Variants in CDC5L observed in about 807,000 individuals in gnomAD.
CDC5L encodes cell division cycle 5 like.
In CDC5L, 18 loss-of-function variants were observed where a neutral mutation model predicts 104.1. The observed-to-expected ratio is 0.17, with a 90% CI of 0.12 to 0.26. The LOEUF (loss-of-function observed/expected upper bound fraction) is 0.26, where lower values mean the gene tolerates loss of function less well. Among genes scored for constraint, CDC5L ranks in the 10% least tolerant of loss-of-function variants. The probability of loss-of-function intolerance (pLI) is 1.00; values close to 1 mark genes in which losing one functional copy is unlikely to be tolerated. For missense variants in CDC5L, 673 were observed against 956.9 expected (o/e 0.70, Z 3.91); for synonymous variants, 331 against 322.7 (o/e 1.03, Z -0.28).
intron 6 of CDC5L, among the ~76,000 whole-genome samples, chr6:44,404,800 C>T (rs1791290399): frequency 6.6e-6 from 1 of 152,112 alleles, no homozygotes; most frequent in Non-Finnish European, 1.5e-5. Flanking sequence ...TCAAGCAGTC[C>T]TTCCACCTCA....
intron 1 of CDC5L, 73 bp downstream of exon 1, chr6:44,387,941 G>GGA (rs1554157180): frequency 7.7e-6 from 11 of 1,431,232 alleles, no homozygotes; most frequent in East Asian, 5.6e-5. Flanking sequence ...CGCGGAGGTC[G>GGA]GGGGGGCGAC....
intron 8 of CDC5L, among the ~76,000 whole-genome samples, chr6:44,412,101 TCTC>T (rs1217411501): frequency 1.3e-5 from 2 of 152,170 alleles, no homozygotes; most frequent in African/African-American, 4.8e-5. Context: ...CTAGCCATCT[TCTC>T]CTGGTGGCCC....
At chr6:44,421,450 A>C (rs11571999) in intron 9 of CDC5L, among the ~76,000 whole-genome samples, 6,179 of 152,314 alleles carry the variant, frequency 0.041, 289 homozygotes, top group African/African-American at 0.11. Flanking sequence ...TATTTAGTAG[A>C]GAAAGCACTT....
At position 44,392,673 on chromosome 6, in the gene CDC5L, A is replaced by G. The variant is rs761147911; in HGVS notation, c.156A>G (p.Glu52=). The part of the protein sequence containing the change: ...SAKQCKARWY[E]WLDPSIKKTE... ...AATGATCTATGTTTAATAGGTATGA[A>G]TGGCTGGATCCAAGCATTAAGAAGA... Residue 52 remains glutamate, a synonymous_variant, in exon 3 of 16, where the codon GAA becomes GAG. Transcript: ENST00000371477. 1.9e-6 allele frequency: 3 copies of G among 1,613,862 alleles called. No homozygotes were observed. Among genetic ancestry groups the G allele is most frequent in the Non-Finnish European group, 2.5e-6 (3 of 1,179,786 alleles).
intron 14 of CDC5L, among the ~76,000 whole-genome samples, chr6:44,435,428 G>A (rs1361566079): frequency 6.6e-6 from 1 of 151,964 alleles, no homozygotes; most frequent in Non-Finnish European, 1.5e-5. Flanking sequence ...GGGTAAGAAT[G>A]ATGGGCAGAA....
chr6:44,395,656 G>A (rs1393413592), intron 4 of CDC5L, among the ~76,000 whole-genome samples: 1 of 152,210 alleles, frequency 6.6e-6, no homozygotes, highest in African/African-American at 2.4e-5. Context: ...TTTAAAAATA[G>A]AAATATCAGG....
Position 44,424,598 on chromosome 6 carries a change from T to A in CDC5L, c.1569+15T>A. 1 of 1,612,966 alleles carries A rather than the reference T, an allele frequency of 6.2e-7. No homozygotes were observed. The highest frequency in any genetic ancestry group is 8.5e-7 in the Non-Finnish European group (1 of 1,179,302). ...CTCGAAAGCAGGTGGGTAACTGTAC[T>A]GAAAGAAGCGTGAGTTTGGCTGAAT... On this transcript the variant is annotated intron_variant, in intron 11 of 15. Transcript: ENST00000371477.
At chr6:44,406,674 G>C (rs1791376928) in intron 7 of CDC5L, among the ~76,000 whole-genome samples, 1 of 152,160 alleles carries the variant, frequency 6.6e-6, no homozygotes. Context: ...TGGGAGACCA[G>C]GACGGGCGGA....
At chr6:44,402,224 C>T (rs1389674639) in intron 5 of CDC5L, among the ~76,000 whole-genome samples, 10 of 147,864 alleles carry the variant, frequency 6.8e-5, no homozygotes, top group South Asian at 4.4e-4. Flanking sequence ...CCTGAGGAAT[C>T]GCCACACTGA....
intron 8 of CDC5L, among the ~76,000 whole-genome samples, chr6:44,417,687 C>T (rs904697467): frequency 2.6e-5 from 4 of 152,178 alleles, no homozygotes; most frequent in Non-Finnish European, 5.9e-5. Context: ...CTAAAGAGAA[C>T]ATGGTCAGTT....
At chr6:44,388,975 T>A (rs1790478732) in intron 1 of CDC5L, among the ~76,000 whole-genome samples, 1 of 152,102 alleles carries the variant, frequency 6.6e-6, no homozygotes, top group Admixed American at 6.6e-5. Flanking sequence ...TTAATACGTT[T>A]GGAATATTTA....
intron 14 of CDC5L, among the ~76,000 whole-genome samples, chr6:44,430,628 A>G (rs1792638711): frequency 1.4e-5 from 2 of 147,648 alleles, no homozygotes; most frequent in Non-Finnish European, 3.0e-5. Flanking sequence ...GCTGCAGTGC[A>G]GTGGTGCAAT....
At chr6:44,406,506 A>G (rs1791369817) in intron 7 of CDC5L, 39 bp downstream of exon 7, 3 of 1,541,314 alleles carry the variant, frequency 1.9e-6, no homozygotes, top group Admixed American at 3.7e-5. Flanking sequence ...ATGTGAATTT[A>G]TATGCTTATA....
intron 8 of CDC5L, among the ~76,000 whole-genome samples, chr6:44,410,437 T>A (rs1489854774): frequency 6.6e-6 from 1 of 152,370 alleles, no homozygotes; most frequent in Admixed American, 6.5e-5. Context: ...ATGTATCACA[T>A]ATTTTTAAAT....
At chr6:44,434,481 T>C (rs1792834352) in intron 14 of CDC5L, among the ~76,000 whole-genome samples, 2 of 152,228 alleles carry the variant, frequency 1.3e-5, no homozygotes, top group African/African-American at 4.8e-5. Flanking sequence ...ACTCCTGTTG[T>C]TTGCAAATGT....
At chr6:44,399,342 G>C (rs1235251110) in intron 5 of CDC5L, among the ~76,000 whole-genome samples, 1 of 152,130 alleles carries the variant, frequency 6.6e-6, no homozygotes, top group African/African-American at 2.4e-5. Flanking sequence ...ATCTTACTTG[G>C]AGTTCATTGA....
chr6:44,414,509 A>AT (rs1172236926), intron 8 of CDC5L, among the ~76,000 whole-genome samples: 31 of 142,192 alleles, frequency 2.2e-4, no homozygotes, highest in African/African-American at 6.3e-4. Flanking sequence ...TAATTTAAAA[A>AT]TTTTTTTTGT....
intron 10 of CDC5L, among the ~76,000 whole-genome samples, chr6:44,423,943 A>G (rs1487502910): frequency 6.6e-6 from 1 of 152,008 alleles, no homozygotes; most frequent in Non-Finnish European, 1.5e-5. Flanking sequence ...CTGGCCTCAG[A>G]CCTCCTGTTG....
intron 5 of CDC5L, among the ~76,000 whole-genome samples, chr6:44,399,557 A>T (rs1187719184): frequency 6.6e-6 from 1 of 152,142 alleles, no homozygotes; most frequent in Non-Finnish European, 1.5e-5. Flanking sequence ...TAGATTGCAT[A>T]ATTGTTACTG....
Sources: allele counts gnomAD v4.1 joint callset (sites outside exome capture counted in the v4.1 genomes callset), GRCh38; gene constraint gnomAD v4.1.1; transcripts MANE v1.5; gene names NCBI Gene and HGNC (gene_info 2026-07-23, HGNC 2026-07-21).